DDAH1: variants seen among roughly 807,000 people sequenced by gnomAD.
DDAH1 encodes dimethylarginine dimethylaminohydrolase 1, also known as N(G),N(G)-dimethylarginine dimethylaminohydrolase 1.
DDAH1 carries 19 observed loss-of-function variants against 28.8 expected under a neutral mutation model. That is an observed-to-expected ratio of 0.66 (90% CI 0.46 to 0.97). The LOEUF is 0.97. Ranked by LOEUF, DDAH1 falls within the 50% of genes least tolerant of loss-of-function variation. The pLI, the probability that DDAH1 is intolerant of heterozygous loss-of-function variation, is 0.00. For synonymous variants in DDAH1, 153 were observed against 154.4 expected (o/e 0.99, Z 0.07); for missense variants, 326 against 375.9 (o/e 0.87, Z 1.10).
chr1:85,338,942 G>A (rs947124174), intron 4 of DDAH1, among the ~76,000 whole-genome samples: 6 of 151,362 alleles, frequency 4.0e-5, no homozygotes, highest in African/African-American at 1.5e-4. Flanking sequence ...AGCTACTCAG[G>A]AGGCTGAAGA....
chr1:85,484,603 C>T (rs1047461016), intron 2 of DDAH1, among the ~76,000 whole-genome samples: 2 of 152,212 alleles, frequency 1.3e-5, no homozygotes, highest in African/African-American at 4.8e-5. Context: ...GATCTACAGT[C>T]AGACTAACCA....
At chr1:85,354,050 G>T (rs189174189) in intron 2 of DDAH1, among the ~76,000 whole-genome samples, 1 of 152,292 alleles carries the variant, frequency 6.6e-6, no homozygotes, top group East Asian at 1.9e-4. Context: ...CGTTGGATGA[G>T]ATCTCCTAAA....
intron 4 of DDAH1, among the ~76,000 whole-genome samples, chr1:85,337,558 A>G (rs1557480487): frequency 6.6e-6 from 1 of 151,782 alleles, no homozygotes; most frequent in Non-Finnish European, 1.5e-5. Flanking sequence ...GGTTCAAGCA[A>G]TTCTCCTGCC....
At chr1:85,445,855 C>T (rs2100660937) in intron 1 of DDAH1, among the ~76,000 whole-genome samples, 1 of 152,260 alleles carries the variant, frequency 6.6e-6, no homozygotes, top group East Asian at 1.9e-4. Flanking sequence ...CCCTCCTTGG[C>T]CTCCCAAAAT....
intron 4 of DDAH1, among the ~76,000 whole-genome samples, chr1:85,334,957 G>A (rs1403950400): frequency 6.6e-6 from 1 of 152,080 alleles, no homozygotes; most frequent in Non-Finnish European, 1.5e-5. Flanking sequence ...ATAAATGAAG[G>A]ACAAATTCAG....
At chr1:85,555,470 C>A (rs1207874364) in intron 1 of DDAH1, among the ~76,000 whole-genome samples, 2 of 152,194 alleles carry the variant, frequency 1.3e-5, no homozygotes, top group African/African-American at 2.4e-5. Flanking sequence ...CACATACACA[C>A]AATCATCTGC....
intron 1 of DDAH1, among the ~76,000 whole-genome samples, chr1:85,390,780 A>G (rs1042068877): frequency 6.6e-6 from 1 of 152,174 alleles, no homozygotes; most frequent in Non-Finnish European, 1.5e-5. Flanking sequence ...TAATTTCTAA[A>G]CATCTGACAA....
At chr1:85,348,609 A>G (rs993644525) in intron 4 of DDAH1, among the ~76,000 whole-genome samples, 1 of 152,012 alleles carries the variant, frequency 6.6e-6, no homozygotes, top group African/African-American at 2.4e-5. Context: ...ATTGAATTCT[A>G]CCCTGTCAAA....
chr1:85,440,311 T>C (rs1654134695), intron 1 of DDAH1, among the ~76,000 whole-genome samples: 1 of 152,216 alleles, frequency 6.6e-6, no homozygotes, highest in Non-Finnish European at 1.5e-5. Flanking sequence ...GGGTGAGCCC[T>C]GAGTCAGATC....
intron 2 of DDAH1, among the ~76,000 whole-genome samples, chr1:85,480,337 G>T (rs1365137531): frequency 1.3e-5 from 2 of 152,132 alleles, no homozygotes; most frequent in African/African-American, 2.4e-5. Flanking sequence ...TTCAGGATAG[G>T]ATCTCAGATG....
At chr1:85,436,871 A>C (rs978107347) in intron 1 of DDAH1, among the ~76,000 whole-genome samples, 2 of 152,162 alleles carry the variant, frequency 1.3e-5, no homozygotes, top group Non-Finnish European at 2.9e-5. Flanking sequence ...CTTTAAGTTG[A>C]AACAGGTGTC....
intron 4 of DDAH1, among the ~76,000 whole-genome samples, chr1:85,347,759 T>C (rs1185704441): frequency 7.2e-6 from 1 of 138,264 alleles, no homozygotes; most frequent in South Asian, 2.5e-4. Context: ...GAACTTAAAG[T>C]ATAATAAAAA....
At chr1:85,415,717 G>A (rs1652860612) in intron 1 of DDAH1, among the ~76,000 whole-genome samples, 1 of 152,142 alleles carries the variant, frequency 6.6e-6, no homozygotes, top group Admixed American at 6.6e-5. Flanking sequence ...AGAAAAACAA[G>A]GGAATAGGTT....
chr1:85,491,731 G>A (rs1656409790), intron 2 of DDAH1, among the ~76,000 whole-genome samples: 1 of 152,124 alleles, frequency 6.6e-6, no homozygotes, highest in Non-Finnish European at 1.5e-5. Context: ...TACTTACAAG[G>A]TGCCCAATAA....
At chr1:85,545,726 C>T (rs916074989) in intron 1 of DDAH1, among the ~76,000 whole-genome samples, 4 of 151,944 alleles carry the variant, frequency 2.6e-5, no homozygotes, top group African/African-American at 4.8e-5. Flanking sequence ...TAAATTAGTT[C>T]GTTCTAAAGG....
chr1:85,464,994 C>A lies in DDAH1; in HGVS notation c.52G>T (p.Val18Leu). 1.4e-6 allele frequency: 2 copies of A among 1,403,836 alleles called. No homozygotes were observed. Among genetic ancestry groups the A allele is most frequent in the Non-Finnish European group, 1.9e-6 (2 of 1,079,544 alleles). The allele number at this position is 1,403,836 out of a possible 1,614,324, so 87.0% of individuals were successfully genotyped here. A position where few individuals can be genotyped will look rare whatever the true frequency, so the allele number is the denominator to read the frequency against. ...AAFGRATHAV[V>L]RALPESLGQH... is the part of the protein sequence containing the mutation. ...CCGAGCGACTCGGGTAGCGCCCGCA[C>A]CACGGCGTGGGTGGCCCGGCCGAAG... Residue 18 changes from valine (V) to leucine (L), a missense_variant, in exon 1 of 6, where the codon GTG becomes TTG. Transcript: ENST00000284031. The surrounding 1 kb of genome is among the most constrained non-coding windows in gnomAD (Gnocchi z 4.4).
At chr1:85,343,530 C>CAGAT (rs1557491346) in intron 4 of DDAH1, among the ~76,000 whole-genome samples, 4 of 152,116 alleles carry the variant, frequency 2.6e-5, no homozygotes, top group Admixed American at 1.3e-4. Context: ...ATACAACAGC[C>CAGAT]AGATAGTAAG....
chr1:85,373,171 T>C (rs1650473916), intron 1 of DDAH1, among the ~76,000 whole-genome samples: 1 of 152,216 alleles, frequency 6.6e-6, no homozygotes, highest in Admixed American at 6.5e-5. Flanking sequence ...ATTGACGTTA[T>C]ATAGTTAGCT....
At chr1:85,569,720 C>G (rs10493771) in intron 1 of DDAH1, among the ~76,000 whole-genome samples, 53,964 of 152,030 alleles carry the variant, frequency 0.35, 9,837 homozygotes, top group African/African-American at 0.37. Context: ...AACTGGGACT[C>G]AAGGACTTCT....
Sources: allele counts gnomAD v4.1 joint callset (sites outside exome capture counted in the v4.1 genomes callset), GRCh38; gene constraint gnomAD v4.1.1; non-coding constraint Gnocchi (gnomAD v3.1); transcripts MANE v1.5; gene names NCBI Gene and HGNC (gene_info 2026-07-23, HGNC 2026-07-21).